Variants in PTPRD observed in about 807,000 individuals in gnomAD.
PTPRD encodes the protein protein tyrosine phosphatase receptor type D, also known as receptor-type tyrosine-protein phosphatase delta.
In PTPRD, 34 loss-of-function variants were observed where a neutral mutation model predicts 214.5. The observed-to-expected ratio is 0.16, with a 90% CI of 0.12 to 0.21. The LOEUF (loss-of-function observed/expected upper bound fraction) is 0.21, where lower values mean the gene tolerates loss of function less well. Among genes scored for constraint, PTPRD ranks in the 10% least tolerant of loss-of-function variants. The pLI is 1.00. For synonymous variants in PTPRD, 1,128 were observed against 845.7 expected (o/e 1.33, Z -5.79); for missense variants, 2,545 against 2,398.7 (o/e 1.06, Z -1.27).
At chr9:8,368,441 T>C (rs1034069996) in intron 39 of PTPRD, among the ~76,000 whole-genome samples, 5 of 152,178 alleles carry the variant, frequency 3.3e-5, no homozygotes, top group African/African-American at 9.7e-5. Context: ...AGGTTCTCAG[T>C]TGCCCTTGAA....
At chr9:8,634,995 T>A (rs1031730528) in intron 13 of PTPRD, among the ~76,000 whole-genome samples, 1 of 150,448 alleles carries the variant, frequency 6.6e-6, no homozygotes, top group East Asian at 1.9e-4. Context: ...ACAGTCAACA[T>A]GTACTGCTCT....
chr9:9,578,647 G>C (rs983602831), intron 7 of PTPRD, among the ~76,000 whole-genome samples: 2 of 152,042 alleles, frequency 1.3e-5, no homozygotes, highest in African/African-American at 4.8e-5. Flanking sequence ...GCAATAAATA[G>C]TACTGTAATA....
At chr9:9,986,923 C>T (rs1273519162) in intron 4 of PTPRD, among the ~76,000 whole-genome samples, 1 of 151,448 alleles carries the variant, frequency 6.6e-6, no homozygotes, top group Non-Finnish European at 1.5e-5. Flanking sequence ...TTAAAAGATA[C>T]TCTCTAGAAT....
At chr9:9,790,285 T>C (rs2098958199) in intron 5 of PTPRD, among the ~76,000 whole-genome samples, 1 of 152,170 alleles carries the variant, frequency 6.6e-6, no homozygotes, top group African/African-American at 2.4e-5. Context: ...AAGAATTTTA[T>C]AAAATGTTTA....
At chr9:10,092,810 C>A (rs984011543) in intron 3 of PTPRD, among the ~76,000 whole-genome samples, 1 of 151,462 alleles carries the variant, frequency 6.6e-6, no homozygotes, top group African/African-American at 2.4e-5. Context: ...ATACCTACAA[C>A]CACCTGATCT....
intron 11 of PTPRD, among the ~76,000 whole-genome samples, chr9:8,882,232 CTCCTGG>C (rs1240746692): frequency 5.3e-5 from 8 of 152,256 alleles, no homozygotes; most frequent in Non-Finnish European, 8.8e-5. Flanking sequence ...CATTTCATTT[CTCCTGG>C]ATTAGATTTA....
rs572522807 is a variant in PTPRD, at chr9:9,453,410, A to G, written c.-236-55928T>C. Among the ~76,000 whole-genome samples the G allele has an allele frequency of 5.3e-5, 8 of 151,820 alleles. No individual in the cohort carries two copies. The East Asian group carries it at 9.7e-4, about 18-fold the overall frequency. ...AACATAATATCATAATATTTTATAA[A>G]ATATTTTTTACCACATCATTATCAC... is the stretch of plus-strand genomic sequence containing the variant. On this transcript the variant is annotated intron_variant, in intron 8 of 45. Transcript: ENST00000381196.
At chr9:9,433,788 T>C (rs910634575) in intron 8 of PTPRD, among the ~76,000 whole-genome samples, 2 of 152,298 alleles carry the variant, frequency 1.3e-5, no homozygotes, top group African/African-American at 2.4e-5. Flanking sequence ...GGCCATTGCA[T>C]GTAAGACCAC....
intron 8 of PTPRD, among the ~76,000 whole-genome samples, chr9:9,408,670 G>C (rs868351996): frequency 2.0e-5 from 3 of 151,802 alleles, no homozygotes; most frequent in African/African-American, 7.2e-5. Context: ...AGGGATCTGG[G>C]TTATCAGACA....
intron 44 of PTPRD, among the ~76,000 whole-genome samples, chr9:8,324,064 A>C (rs1397042469): frequency 6.6e-6 from 1 of 152,054 alleles, no homozygotes; most frequent in Non-Finnish European, 1.5e-5. Context: ...ACCAGCAAAA[A>C]GATTAAAACT....
At chr9:9,009,236 C>T (rs1224022498) in intron 11 of PTPRD, among the ~76,000 whole-genome samples, 1 of 151,694 alleles carries the variant, frequency 6.6e-6, no homozygotes, top group Non-Finnish European at 1.5e-5. Context: ...CCAAAAATTA[C>T]CAGGAATATG....
intron 5 of PTPRD, among the ~76,000 whole-genome samples, chr9:9,832,304 C>A (rs906866245): frequency 2.2e-4 from 34 of 151,952 alleles, no homozygotes; most frequent in Non-Finnish European, 4.3e-4. Context: ...GCAGGCAACA[C>A]AGCCTGCTAA....
chr9:9,607,302 C>A (rs1276458802), intron 7 of PTPRD, among the ~76,000 whole-genome samples: 1 of 152,016 alleles, frequency 6.6e-6, no homozygotes, highest in East Asian at 1.9e-4. Context: ...GGTCTTTTAT[C>A]CAAATAATAA....
chr9:9,221,978 G>A (rs929297613), intron 9 of PTPRD, among the ~76,000 whole-genome samples: 1 of 151,992 alleles, frequency 6.6e-6, no homozygotes. Context: ...GATCTTTATA[G>A]ACATTAAAGT....
chr9:9,754,517 GA>G (rs756608029), intron 6 of PTPRD, among the ~76,000 whole-genome samples: 11 of 152,044 alleles, frequency 7.2e-5, no homozygotes, highest in East Asian at 5.8e-4. Context: ...GGCTTCACAA[GA>G]ATATTTGGCA....
Position 10,475,372 on chromosome 9 carries a change from A to T in PTPRD, c.-599-134355T>A, listed in dbSNP as rs1005512894. Among the ~76,000 whole-genome samples the T allele has an allele frequency of 2.0e-5, 3 of 152,114 alleles. No homozygotes were observed. The South Asian group carries it at 6.2e-4, about 31-fold the overall frequency. On this transcript the variant is annotated intron_variant, in intron 2 of 45. Coordinates refer to ENST00000381196, the MANE Select transcript of PTPRD (RefSeq NM_002839.4). ...ATTATAAACACCTCTACACAAATCA[A>T]CTGGAAAATGTAGAAGAAATGGATA...
intron 5 of PTPRD, among the ~76,000 whole-genome samples, chr9:9,767,758 C>T (rs1336696347): frequency 6.6e-6 from 1 of 151,730 alleles, no homozygotes; most frequent in African/African-American, 2.4e-5. Context: ...AAAATAACAC[C>T]CTAAAAAAAT....
Position 9,591,206 on chromosome 9 carries a change from T to C in PTPRD, c.-286-16425A>G, listed in dbSNP as rs558791173. Among the ~76,000 whole-genome samples the C allele has an allele frequency of 2.0e-4, 28 of 140,598 alleles. No individual in the cohort carries two copies. The South Asian group carries it at 3.2e-3, about 16-fold the overall frequency. The allele number at this position is 140,598 out of a possible 152,430, so 92.2% of individuals were successfully genotyped here. On this transcript the variant is annotated intron_variant, in intron 7 of 45. Transcript: ENST00000381196. ...ATGGATGTGGCGGAAGTCAGAGAGA[T>C]TGAAAGCGTGAGAGGGAGGAACCTG...
chr9:9,579,793 C>G (rs2090167107), intron 7 of PTPRD, among the ~76,000 whole-genome samples: 1 of 152,056 alleles, frequency 6.6e-6, no homozygotes, highest in South Asian at 2.1e-4. Flanking sequence ...TTTAGTATGT[C>G]CTTTACCAGA....
Sources: gnomAD v4.1 joint callset for allele counts (sites outside exome capture counted in the v4.1 genomes callset) on GRCh38, gnomAD v4.1.1 for gene constraint, MANE v1.5 for transcripts, NCBI Gene and HGNC (gene_info 2026-07-23, HGNC 2026-07-21) for gene names.